The following THEMIS variants were observed in gnomAD, a reference collection of about 807,000 sequenced individuals.
THEMIS encodes the protein protein THEMIS.
THEMIS carries 37 observed loss-of-function variants against 52.6 expected under a neutral mutation model. That is an observed-to-expected ratio of 0.70 (90% CI 0.54 to 0.93). The LOEUF (loss-of-function observed/expected upper bound fraction) is 0.93. THEMIS is among the 40% of genes least tolerant of loss of function. The probability of loss-of-function intolerance (pLI) is 0.00; values close to 1 mark genes in which losing one functional copy is unlikely to be tolerated. For missense variants in THEMIS, 808 were observed against 763.1 expected (o/e 1.06, Z -0.69); for synonymous variants, 292 against 272.7 (o/e 1.07, Z -0.70).
chr6:127,701,404 C>T, the THEMIS span, among the ~76,000 whole-genome samples: 8 of 152,060 alleles, frequency 5.3e-5, no homozygotes, highest in East Asian at 5.8e-4. Context: ...GTTTCCATCG[C>T]GTGGTTACAC....
At chr6:127,832,937 C>T (rs1205364933) in intron 2 of THEMIS, among the ~76,000 whole-genome samples, 3 of 151,460 alleles carry the variant, frequency 2.0e-5, no homozygotes, top group African/African-American at 7.3e-5. Context: ...GTGTGCACCA[C>T]CATACTCAGT....
chr6:127,736,281 T>C (rs1413566320), intron 4 of THEMIS, among the ~76,000 whole-genome samples: 1 of 152,138 alleles, frequency 6.6e-6, no homozygotes, highest in Non-Finnish European at 1.5e-5. Flanking sequence ...AAATTTATAC[T>C]GAGAAAATAT....
chr6:127,844,211 T>C (rs1346567146), intron 2 of THEMIS, among the ~76,000 whole-genome samples: 1 of 152,006 alleles, frequency 6.6e-6, no homozygotes, highest in African/African-American at 2.4e-5. Flanking sequence ...AATTACTTGG[T>C]GATTCTGTTT....
At position 127,813,568 on chromosome 6, in the gene THEMIS, G is replaced by C; in HGVS notation, c.1073C>G (p.Ala358Gly). ...EFPTAYDLEI[A>G]KSEKEPLHVV... ...GTGAAGAGGCTCCTTTTCACTCTTA[G>C]CGATCTCTAGGTCATAGGCCGTTGG... is the stretch of plus-strand genomic sequence containing the variant. The change falls in exon 4 of 6, where the codon GCT (alanine) becomes GGT (glycine). Residue 358 changes from alanine to glycine, a missense_variant. By Grantham distance (60) the Ala-to-Gly change is moderately conservative. Coordinates refer to ENST00000368248, the MANE Select transcript of THEMIS (RefSeq NM_001010923.3). 6.2e-7 allele frequency: 1 copy of C among 1,613,810 alleles called. No homozygotes were observed. The highest frequency in any genetic ancestry group is 1.1e-5 in the South Asian group (1 of 91,038).
chr6:127,859,049 T>G (rs1398964725), intron 1 of THEMIS, among the ~76,000 whole-genome samples: 1 of 152,154 alleles, frequency 6.6e-6, no homozygotes, highest in African/African-American at 2.4e-5. Flanking sequence ...AAACAATTGG[T>G]TCAATAGATT....
chr6:127,817,617 G>A (rs1304859370), intron 3 of THEMIS, among the ~76,000 whole-genome samples: 1 of 152,134 alleles, frequency 6.6e-6, no homozygotes, highest in Non-Finnish European at 1.5e-5. Context: ...AATAGCAGAT[G>A]CAGTGAAAAT....
chr6:127,806,442 C>T (rs555727616), intron 4 of THEMIS, among the ~76,000 whole-genome samples: 34 of 152,090 alleles, frequency 2.2e-4, no homozygotes, highest in African/African-American at 6.5e-4. Context: ...TTCATCATTG[C>T]CCCCAGGTGA....
intron 4 of THEMIS, among the ~76,000 whole-genome samples, chr6:127,787,304 G>A (rs1776985003): frequency 6.6e-6 from 1 of 151,390 alleles, no homozygotes; most frequent in East Asian, 1.9e-4. Flanking sequence ...ACAAACACAT[G>A]CACACATCAC....
intron 5 of THEMIS, 148 bp downstream of exon 5, chr6:127,719,540 C>T (rs1339010671): frequency 1.6e-6 from 1 of 616,150 alleles, no homozygotes; most frequent in Non-Finnish European, 2.7e-6. Context: ...CATAAATCTT[C>T]ATTTCAATGT....
rs373471914 is a variant in THEMIS, at chr6:127,723,605, G to A, written c.1759-3782C>T. On this transcript the variant is annotated intron_variant, in intron 4 of 5. Transcript: ENST00000368248. ...GGCAGGAGCTTGCATGCCTTAGTAA[G>A]CACTCTGGACTCTAATTCTAATGTC... Among the ~76,000 whole-genome samples the A allele has an allele frequency of 5.3e-4, 81 of 152,060 alleles. 1 individual carries two copies. In the South Asian group the frequency reaches 0.015, roughly 28 times the overall value.
At chr6:127,895,625 G>T (rs1402883842) in intron 1 of THEMIS, among the ~76,000 whole-genome samples, 1 of 151,348 alleles carries the variant, frequency 6.6e-6, no homozygotes, top group African/African-American at 2.4e-5. Context: ...TTTAAACTGT[G>T]ATAAATTATG....
At chr6:127,734,154 C>T (rs796897422) in intron 4 of THEMIS, among the ~76,000 whole-genome samples, 5 of 152,140 alleles carry the variant, frequency 3.3e-5, no homozygotes, top group African/African-American at 7.2e-5. Context: ...TTTAAAAGAT[C>T]AACAATTGCA....
chr6:127,789,492 A>C (rs1777088594), intron 4 of THEMIS, among the ~76,000 whole-genome samples: 2 of 152,226 alleles, frequency 1.3e-5, no homozygotes, highest in Non-Finnish European at 2.9e-5. Flanking sequence ...TCCAAACAAT[A>C]GAAAAAGAGG....
At chr6:127,769,816 C>T (rs1776320173) in intron 4 of THEMIS, among the ~76,000 whole-genome samples, 1 of 152,090 alleles carries the variant, frequency 6.6e-6, no homozygotes, top group Non-Finnish European at 1.5e-5. Context: ...TGTTCCCCAC[C>T]CTGTGTCCAA....
chr6:127,705,681 T>C (rs1434679428), downstream of THEMIS, among the ~76,000 whole-genome samples: 1 of 152,200 alleles, frequency 6.6e-6, no homozygotes, highest in African/African-American at 2.4e-5. Flanking sequence ...AGAATTTCTG[T>C]TCTCCCAACA....
intron 4 of THEMIS, among the ~76,000 whole-genome samples, chr6:127,725,157 A>T (rs1774495734): frequency 1.3e-5 from 2 of 152,232 alleles, no homozygotes; most frequent in Middle Eastern, 6.8e-3. Flanking sequence ...CTCTCTGCTT[A>T]TATAAACACT....
At chr6:127,890,998 T>C (rs1780788610) in intron 1 of THEMIS, among the ~76,000 whole-genome samples, 1 of 152,130 alleles carries the variant, frequency 6.6e-6, no homozygotes, top group Admixed American at 6.6e-5. Flanking sequence ...AAGCATCCTC[T>C]GTGCCCAAGT....
intron 1 of THEMIS, among the ~76,000 whole-genome samples, chr6:127,897,311 T>G (rs1180347164): frequency 6.6e-6 from 1 of 151,318 alleles, no homozygotes; most frequent in African/African-American, 2.4e-5. Context: ...GTGGAAAACT[T>G]TCGTCCATTA....
intron 4 of THEMIS, among the ~76,000 whole-genome samples, chr6:127,764,820 G>A (rs994089177): frequency 6.6e-6 from 1 of 151,794 alleles, no homozygotes; most frequent in East Asian, 1.9e-4. Flanking sequence ...CATAAATGTT[G>A]TTATATGTTT....
Sources: gnomAD v4.1 joint callset for allele counts (sites outside exome capture counted in the v4.1 genomes callset) on GRCh38, gnomAD v4.1.1 for gene constraint, MANE v1.5 for transcripts, NCBI Gene and HGNC (gene_info 2026-07-23, HGNC 2026-07-21) for gene names.